Variants in ESR1 observed in about 807,000 individuals in gnomAD.
ESR1 encodes the protein estrogen receptor.
Under a neutral mutation model 52.7 loss-of-function variants are expected in ESR1, and 12 were observed. The ratio of observed to expected loss-of-function variants is 0.23; its 90% CI spans 0.15 to 0.37. The LOEUF (loss-of-function observed/expected upper bound fraction) is 0.37, where lower values mean the gene tolerates loss of function less well. Ranked by LOEUF, ESR1 falls within the 10% of genes least tolerant of loss-of-function variation. The pLI is 1.00. For synonymous variants in ESR1, 305 were observed against 316.8 expected (o/e 0.96, Z 0.39); for missense variants, 584 against 779.7 (o/e 0.75, Z 2.99).
intron 6 of ESR1, among the ~76,000 whole-genome samples, chr6:152,116,318 C>G (rs888813006): frequency 3.3e-5 from 5 of 152,184 alleles, no homozygotes; most frequent in African/African-American, 1.2e-4. Flanking sequence ...CCTAACAAAC[C>G]CTGGAAGAAA....
intron 2 of ESR1, among the ~76,000 whole-genome samples, chr6:151,735,253 G>A (rs985259167): frequency 6.6e-6 from 1 of 152,120 alleles, no homozygotes; most frequent in Non-Finnish European, 1.5e-5. Context: ...TGCCAACCTT[G>A]TTTCATCAGT....
At chr6:151,856,482 G>A (rs765672818) in intron 2 of ESR1, among the ~76,000 whole-genome samples, 1 of 152,112 alleles carries the variant, frequency 6.6e-6, no homozygotes, top group African/African-American at 2.4e-5. Context: ...TGAACAATTA[G>A]TAGATGATAC....
intron 3 of ESR1, among the ~76,000 whole-genome samples, chr6:151,932,184 T>G (rs1033093070): frequency 1.3e-5 from 2 of 152,032 alleles, no homozygotes; most frequent in African/African-American, 4.8e-5. Context: ...GGTTTTGATT[T>G]GCATTTCTCT....
In ESR1 at chr6:152,053,693, C is replaced by T. The variant is rs1160782769; in HGVS notation, c.1236-7298C>T. ...CTCTCTTCCCTAGTGAGCTCACTTGCTTTCCCAGTTTCAGTGATTTCTATT... is the reference window on the plus strand; with the variant it reads ...CTCTCTTCCCTAGTGAGCTCACTTGTTTTCCCAGTTTCAGTGATTTCTATT... On this transcript the variant is annotated intron_variant, in intron 5 of 7. Coordinates refer to ENST00000206249, the MANE Select transcript of ESR1 (RefSeq NM_000125.4). The surrounding 1 kb of genome is among the most constrained non-coding windows in gnomAD (Gnocchi z 4.1). Among the ~76,000 whole-genome samples the T allele has an allele frequency of 6.6e-6, 1 of 151,506 alleles. No individual in the cohort carries two copies. Among genetic ancestry groups the T allele is most frequent in the Non-Finnish European group, 1.5e-5 (1 of 67,906 alleles).
intron 5 of ESR1, among the ~76,000 whole-genome samples, chr6:152,039,137 C>T (rs2045576741): frequency 6.6e-6 from 1 of 152,200 alleles, no homozygotes. Context: ...TCTTCTACAA[C>T]CCATTCTGTT....
rs1218830393 is a variant in ESR1, at chr6:152,053,159, T to G, written c.1236-7832T>G. Reference sequence around the variant, plus strand: ...AAGGTATTTCTCTCCTGTGATGATATTGATTCTGCACTCATCTATTTTCAT... The same window carrying G: ...AAGGTATTTCTCTCCTGTGATGATAGTGATTCTGCACTCATCTATTTTCAT... On this transcript the variant is annotated intron_variant, in intron 5 of 7. Transcript: ENST00000206249. The surrounding 1 kb of genome is among the most constrained non-coding windows in gnomAD (Gnocchi z 4.1). 6.6e-6 allele frequency among the ~76,000 whole-genome samples: 1 copy of G among 152,226 alleles called. No homozygotes were observed. Among genetic ancestry groups the G allele is most frequent in the Non-Finnish European group, 1.5e-5 (1 of 68,040 alleles).
At chr6:151,825,774 T>C (rs957065029) in intron 1 of ESR1, among the ~76,000 whole-genome samples, 1 of 151,830 alleles carries the variant, frequency 6.6e-6, no homozygotes, top group Non-Finnish European at 1.5e-5. Context: ...TAGCCAAGTG[T>C]GGTGACACGT....
chr6:151,739,900 C>T (rs1193186870), intron 2 of ESR1, among the ~76,000 whole-genome samples: 1 of 152,170 alleles, frequency 6.6e-6, no homozygotes, highest in African/African-American at 2.4e-5. Flanking sequence ...CTTTCTTCCT[C>T]TCTCCATCCC....
chr6:151,759,191 C>T (rs1784483395), intron 2 of ESR1, among the ~76,000 whole-genome samples: 3 of 145,714 alleles, frequency 2.1e-5, no homozygotes, highest in Admixed American at 1.4e-4. Flanking sequence ...AGGAGAATTG[C>T]TTGAACACGG....
At chr6:152,083,143 G>C (rs1226900389) in intron 6 of ESR1, among the ~76,000 whole-genome samples, 3 of 152,112 alleles carry the variant, frequency 2.0e-5, no homozygotes, top group Non-Finnish European at 4.4e-5. Context: ...CCAAAAAAGA[G>C]CCTGCATAGC....
chr6:151,832,156 C>A (rs1179682199), intron 1 of ESR1, among the ~76,000 whole-genome samples: 1 of 152,014 alleles, frequency 6.6e-6, no homozygotes, highest in East Asian at 1.9e-4. Context: ...TATAAAAGAG[C>A]TAGAGTAATT....
At chr6:152,027,598 G>T (rs1467328331) in intron 5 of ESR1, among the ~76,000 whole-genome samples, 1 of 152,094 alleles carries the variant, frequency 6.6e-6, no homozygotes, top group African/African-American at 2.4e-5. Flanking sequence ...TTAAGTGATT[G>T]CTTCATTATT....
chr6:151,782,713 C>T lies in ESR1; in HGVS notation c.-70-25130C>T, dbSNP rs145519108. On this transcript the variant is annotated intron_variant, in intron 2 of 2. Coordinates refer to the ESR1 transcript ENST00000404742. ...CAAGCTACCCTGGTATTATGGCTCT[C>T]CTCCAGAAATCTAATCATTTAAACA... Among the ~76,000 whole-genome samples, 553 of 152,278 alleles carry T rather than the reference C, an allele frequency of 3.6e-3. 3 individuals are homozygous for T. Among genetic ancestry groups the T allele is most frequent in the Middle Eastern group, 0.01 (3 of 294 alleles).
chr6:152,115,149 G>A (rs2051195814), intron 6 of ESR1, among the ~76,000 whole-genome samples: 1 of 151,762 alleles, frequency 6.6e-6, no homozygotes, highest in Non-Finnish European at 1.5e-5. Flanking sequence ...CTATATACAC[G>A]AGTTTTTCCC....
chr6:152,009,209 A>T (rs1584787220), intron 4 of ESR1, among the ~76,000 whole-genome samples: 1 of 152,234 alleles, frequency 6.6e-6, no homozygotes, highest in Middle Eastern at 3.4e-3. Flanking sequence ...CCTGATGCCA[A>T]GTCCTTCTTT....
At chr6:151,791,123 A>T (rs568090968) in intron 2 of ESR1, among the ~76,000 whole-genome samples, 5 of 152,262 alleles carry the variant, frequency 3.3e-5, no homozygotes, top group Admixed American at 6.5e-5. Context: ...CTCCACACTC[A>T]TTCTATTCAC....
At chr6:151,802,206 C>A (rs1777319514), upstream of ESR1, among the ~76,000 whole-genome samples, 1 of 152,084 alleles carries the variant, frequency 6.6e-6, no homozygotes, top group South Asian at 2.1e-4. Context: ...AGGAGCTAAT[C>A]AAAAACCCTT....
intron 4 of ESR1, among the ~76,000 whole-genome samples, chr6:151,992,473 A>T (rs1269604266): frequency 6.6e-6 from 1 of 152,080 alleles, no homozygotes; most frequent in Middle Eastern, 3.2e-3. Flanking sequence ...ATGTTTTCTT[A>T]TGCGTTTTTA....
At chr6:151,804,711 C>T (rs906193110), upstream of ESR1, 1 of 152,108 alleles carries the variant, frequency 6.6e-6, no homozygotes, top group African/African-American at 2.4e-5. Flanking sequence ...TGCATAGTGT[C>T]CCAGGGCCAG....
Sources: allele counts gnomAD v4.1 joint callset (sites outside exome capture counted in the v4.1 genomes callset), GRCh38; gene constraint gnomAD v4.1.1; non-coding constraint Gnocchi (gnomAD v3.1); transcripts MANE v1.5; gene names NCBI Gene and HGNC (gene_info 2026-07-23, HGNC 2026-07-21).